The following GPR158 variants were observed in gnomAD, a reference collection of about 807,000 sequenced individuals.
GPR158 encodes the protein metabotropic glycine receptor.
A neutral mutation model predicts 78.2 loss-of-function variants in GPR158; 30 were observed. The ratio of observed to expected loss-of-function variants is 0.38; its 90% CI spans 0.29 to 0.52. The LOEUF (loss-of-function observed/expected upper bound fraction) is 0.52, where lower values mean the gene tolerates loss of function less well. Ranked by LOEUF, GPR158 falls within the 20% of genes least tolerant of loss-of-function variation. The probability of loss-of-function intolerance (pLI) is 0.83; values close to 1 mark genes in which losing one functional copy is unlikely to be tolerated. For missense variants in GPR158, 1,463 were observed against 1,523.5 expected (o/e 0.96, Z 0.66); for synonymous variants, 581 against 591.1 (o/e 0.98, Z 0.25).
At chr10:25,258,756 A>G (rs894364394) in intron 2 of GPR158, among the ~76,000 whole-genome samples, 3 of 152,130 alleles carry the variant, frequency 2.0e-5, no homozygotes, top group African/African-American at 7.2e-5. Context: ...TGAACAATGC[A>G]GGGATAAGGG....
At chr10:25,517,402 C>T (rs1314443212) in intron 5 of GPR158, among the ~76,000 whole-genome samples, 1 of 152,090 alleles carries the variant, frequency 6.6e-6, no homozygotes, top group Admixed American at 6.5e-5. Context: ...GAACTTCCAA[C>T]ACTATGTTGA....
intron 1 of GPR158, among the ~76,000 whole-genome samples, chr10:25,219,914 A>G (rs1853275438): frequency 6.6e-6 from 1 of 152,148 alleles, no homozygotes; most frequent in African/African-American, 2.4e-5. Flanking sequence ...TTCTTAAATT[A>G]ATATTTTAAA....
At chr10:25,399,373 A>C (rs556209847) in intron 3 of GPR158, among the ~76,000 whole-genome samples, 1 of 152,148 alleles carries the variant, frequency 6.6e-6, no homozygotes, top group Non-Finnish European at 1.5e-5. Flanking sequence ...TCTGCCTCCT[A>C]TCAGATCAGT....
Position 25,540,941 on chromosome 10 carries a change from T to TAAAAAA in GPR158, c.1405-10030_1405-10029insAAAAAA, listed in dbSNP as rs1186802503. On this transcript the variant is annotated intron_variant, in intron 5 of 10. Coordinates refer to ENST00000376351, the MANE Select transcript of GPR158 (RefSeq NM_020752.3). ...ATGTACCCTAGAACTTAAAGTATAA[T>TAAAAAA]AAAAATATATATATATATATATATA... Among the ~76,000 whole-genome samples, 174 of 63,660 alleles carry TAAAAAA rather than the reference T, an allele frequency of 2.7e-3. 1 individual carries two copies. Among genetic ancestry groups the TAAAAAA allele is most frequent in the African/African-American group, 0.01 (168 of 16,174 alleles). 41.8% of individuals were successfully genotyped at this position (63,660 alleles called of 152,430 possible).
chr10:25,558,123 G>C (rs183624295), intron 6 of GPR158, among the ~76,000 whole-genome samples: 6 of 152,272 alleles, frequency 3.9e-5, no homozygotes, highest in Admixed American at 3.9e-4. Flanking sequence ...CTGAAAAGAG[G>C]CTTGGTTAAA....
chr10:25,590,138 C>A (rs1009526116), intron 8 of GPR158, among the ~76,000 whole-genome samples: 1 of 152,034 alleles, frequency 6.6e-6, no homozygotes, highest in Non-Finnish European at 1.5e-5. Flanking sequence ...TCCTCTCTGA[C>A]TTTAGTCAGC....
chr10:25,433,531 G>GGTGTGTGT (rs1554803584), intron 4 of GPR158, among the ~76,000 whole-genome samples: 16 of 140,368 alleles, frequency 1.1e-4, no homozygotes, highest in African/African-American at 4.3e-4. Flanking sequence ...TTTAGTTAGG[G>GGTGTGTGT]GTGTGTGTGT....
At chr10:25,555,745 A>G (rs1427225658) in intron 6 of GPR158, among the ~76,000 whole-genome samples, 1 of 152,024 alleles carries the variant, frequency 6.6e-6, no homozygotes, top group Non-Finnish European at 1.5e-5. Flanking sequence ...TAATCAAGAA[A>G]AAAAAAACAA....
chr10:25,534,585 G>GAA (rs1836472068), intron 5 of GPR158, among the ~76,000 whole-genome samples: 2 of 124,458 alleles, frequency 1.6e-5, no homozygotes, highest in African/African-American at 7.7e-5. Flanking sequence ...TACTAAAAAT[G>GAA]CAAAAAAAAA....
intron 3 of GPR158, among the ~76,000 whole-genome samples, chr10:25,398,053 C>G (rs1414819535): frequency 6.6e-6 from 1 of 152,150 alleles, no homozygotes; most frequent in African/African-American, 2.4e-5. Context: ...ACTTCGACTA[C>G]TACAATTGCA....
At chr10:25,459,965 G>GGGA (rs761256925) in intron 4 of GPR158, among the ~76,000 whole-genome samples, 9 of 152,164 alleles carry the variant, frequency 5.9e-5, no homozygotes, top group Non-Finnish European at 8.8e-5. Context: ...TTGTAAACTT[G>GGGA]GGAGGTATAT....
intron 2 of GPR158, among the ~76,000 whole-genome samples, chr10:25,322,771 A>G (rs538946241): frequency 2.0e-5 from 3 of 152,322 alleles, no homozygotes; most frequent in East Asian, 1.9e-4. Context: ...ATCTTCCTGT[A>G]TATCTCCATC....
chr10:25,376,647 A>G (rs1267285885), intron 2 of GPR158, among the ~76,000 whole-genome samples: 1 of 151,704 alleles, frequency 6.6e-6, no homozygotes, highest in East Asian at 1.9e-4. Flanking sequence ...TCTGCCTAAT[A>G]AACACTTCTT....
intron 2 of GPR158, among the ~76,000 whole-genome samples, chr10:25,282,344 A>T (rs1039687957): frequency 3.3e-5 from 5 of 152,202 alleles, no homozygotes; most frequent in Non-Finnish European, 5.9e-5. Context: ...ATTCCATTGT[A>T]GGGATTGTAA....
At chr10:25,496,731 T>C (rs577812855) in intron 5 of GPR158, among the ~76,000 whole-genome samples, 1 of 152,288 alleles carries the variant, frequency 6.6e-6, no homozygotes, top group South Asian at 2.1e-4. Context: ...GTAATCACTG[T>C]GCCAAAAACA....
intron 2 of GPR158, among the ~76,000 whole-genome samples, chr10:25,379,560 A>G (rs772191120): frequency 3.3e-5 from 5 of 151,102 alleles, no homozygotes; most frequent in Non-Finnish European, 7.4e-5. Flanking sequence ...ACGGCAAAAG[A>G]CTTCTTTTTC....
rs372336615 is a variant in GPR158 at position 25,550,967 on chromosome 10, A to G, written c.1405-9A>G. 5 of 1,449,204 alleles carry G rather than the reference A, an allele frequency of 3.5e-6. No homozygotes were observed. In the African/African-American group the frequency reaches 5.6e-5, roughly 16 times the overall value. The allele number at this position is 1,449,204 out of a possible 1,614,324, so 89.8% of individuals were successfully genotyped here. A position where few individuals can be genotyped will look rare whatever the true frequency, so the allele number is the denominator to read the frequency against. On this transcript the variant is annotated splice_polypyrimidine_tract_variant and intron_variant, in intron 5 of 10. Coordinates refer to ENST00000376351, the MANE Select transcript of GPR158 (RefSeq NM_020752.3). ...ATCCTGAAGGTCTCTTTCTGTTTTC[A>G]TCCCACAGGTTGTTATTTTGTACTT...
At position 25,589,097 on chromosome 10, in the gene GPR158, T is replaced by A. The variant is rs763110205; in HGVS notation, c.1844T>A (p.Val615Asp). The change falls in exon 8 of 11, where the codon GTT becomes GAT. Residue 615 changes from valine (V) to aspartate (D), a missense_variant. Transcript: ENST00000376351. ...TTCCATGAGCCCCGCTATATGGCTG[T>A]TGCAGTTCACAATGAGCTCATCATC... The part of the protein sequence containing the change: ...SAFHEPRYMA[V>D]AVHNELIISA... 1.9e-6 allele frequency: 3 copies of A among 1,611,752 alleles called. No individual in the cohort carries two copies. The highest frequency in any genetic ancestry group is 2.5e-6 in the Non-Finnish European group (3 of 1,178,730).
chr10:25,427,826 T>G (rs1258328485), intron 4 of GPR158, among the ~76,000 whole-genome samples: 1 of 152,116 alleles, frequency 6.6e-6, no homozygotes, highest in Non-Finnish European at 1.5e-5. Context: ...CTGTTTTTCT[T>G]AAGTTAACAT....
Sources: gnomAD v4.1 joint callset for allele counts (sites outside exome capture counted in the v4.1 genomes callset) on GRCh38, gnomAD v4.1.1 for gene constraint, MANE v1.5 for transcripts, NCBI Gene and HGNC (gene_info 2026-07-23, HGNC 2026-07-21) for gene names.